ATP10B: variants seen among roughly 807,000 people sequenced by gnomAD.
ATP10B encodes the protein phospholipid-transporting ATPase VB.
Under a neutral mutation model 141.2 loss-of-function variants are expected in ATP10B, and 122 were observed. That is an observed-to-expected ratio of 0.86 (90% confidence interval 0.75 to 1.00). ATP10B has a LOEUF of 1.00. ATP10B is among the 50% of genes least tolerant of loss of function. The pLI is 0.00. For synonymous variants in ATP10B, 685 were observed against 692.0 expected (o/e 0.99, Z 0.16); for missense variants, 1,876 against 1,825.3 (o/e 1.03, Z -0.51).
rs1180388352 is a variant in ATP10B, at chr5:160,687,855, T to A, written c.220A>T (p.Thr74Ser). 6.2e-7 allele frequency: 1 copy of A among 1,613,984 alleles called. No individual in the cohort carries two copies. The highest frequency in any genetic ancestry group is 1.3e-5 in the African/African-American group (1 of 74,902). Residue 74 changes from threonine to serine, a missense_variant, in exon 5 of 26, where the codon ACC (threonine) becomes TCC (serine). By Grantham distance (58) the Thr-to-Ser change is moderately conservative. Coordinates refer to ENST00000327245, the MANE Select transcript of ATP10B (RefSeq NM_025153.3). ...RRYPGNRTCTTKYTLFTFLPR... is the reference protein window; with the variant it reads ...RRYPGNRTCTSKYTLFTFLPR... Reference sequence around the variant, plus strand: ...AGGAAGGTGAAGAGGGTGTATTTGGTTGTGCAGGTTCTGTTGCCAGGGTAT... The same window carrying A: ...AGGAAGGTGAAGAGGGTGTATTTGGATGTGCAGGTTCTGTTGCCAGGGTAT...
intron 17 of ATP10B, among the ~76,000 whole-genome samples, chr5:160,613,442 T>A (rs1339597718): frequency 6.6e-6 from 1 of 152,148 alleles, no homozygotes; most frequent in Non-Finnish European, 1.5e-5. Flanking sequence ...ATTTATTTGG[T>A]GGTAGTGAAA....
chr5:160,865,405 C>T, the ATP10B span, among the ~76,000 whole-genome samples: 1 of 152,036 alleles, frequency 6.6e-6, no homozygotes, highest in African/African-American at 2.4e-5. Flanking sequence ...TTATCTCTCA[C>T]CTTATACAAA....
chr5:160,606,223 GC>G (rs1423952432), intron 19 of ATP10B, among the ~76,000 whole-genome samples: 1 of 152,106 alleles, frequency 6.6e-6, no homozygotes, highest in Non-Finnish European at 1.5e-5. Flanking sequence ...TTAAAGTTTA[GC>G]CCCCTCTGAA....
chr5:160,589,571 A>G, intron 24 of ATP10B, 21 bp downstream of exon 24: 8 of 1,591,810 alleles, frequency 5.0e-6, no homozygotes, highest in Non-Finnish European at 6.9e-6. Context: ...TTTGAAGCCA[A>G]AGGGGCTCTG....
At position 160,849,964 on chromosome 5, in the gene ATP10B, T is replaced by C. The variant is rs1302567103; in HGVS notation, c.-576+1977A>G. ...CTAGGTTCAAAGCAAAATTTAAGAATGCCTGGCTAAGTTTTACTTTAAGGA... is the reference window on the plus strand; with the variant it reads ...CTAGGTTCAAAGCAAAATTTAAGAACGCCTGGCTAAGTTTTACTTTAAGGA... On this transcript the variant is annotated intron_variant, in intron 1 of 25. Coordinates refer to ENST00000327245, the MANE Select transcript of ATP10B (RefSeq NM_025153.3). Among the ~76,000 whole-genome samples the C allele has an allele frequency of 2.6e-5, 4 of 152,200 alleles. No individual in the cohort carries two copies. In the East Asian group the frequency reaches 7.7e-4, roughly 29 times the overall value.
chr5:160,850,869 TAA>T (rs1561924020), intron 1 of ATP10B, among the ~76,000 whole-genome samples: 3 of 152,030 alleles, frequency 2.0e-5, no homozygotes, highest in Non-Finnish European at 4.4e-5. Flanking sequence ...AAGAATTTTT[TAA>T]AAAGTCATCA....
At chr5:160,601,341 T>A (rs1365787671) in intron 21 of ATP10B, among the ~76,000 whole-genome samples, 1 of 152,226 alleles carries the variant, frequency 6.6e-6, no homozygotes, top group Non-Finnish European at 1.5e-5. Context: ...GGCTAATGTT[T>A]CTCTTCCATC....
At chr5:160,796,232 T>C (rs1356361847) in intron 1 of ATP10B, among the ~76,000 whole-genome samples, 2 of 152,220 alleles carry the variant, frequency 1.3e-5, no homozygotes, top group Non-Finnish European at 2.9e-5. Flanking sequence ...CTGAGAACTC[T>C]CTTTTCCAGC....
intron 20 of ATP10B, 25 bp downstream of exon 20, chr5:160,603,940 G>C: frequency 6.3e-7 from 1 of 1,594,824 alleles, no homozygotes; most frequent in Non-Finnish European, 8.6e-7. Flanking sequence ...ACCAAAGAAA[G>C]AAGAATAGTT....
chr5:160,899,622 C>CT, the ATP10B span, among the ~76,000 whole-genome samples: 1 of 152,060 alleles, frequency 6.6e-6, no homozygotes, highest in South Asian at 2.1e-4. Context: ...AGTTCTTGTA[C>CT]TTTTTTCAGT....
In ATP10B at chr5:160,591,689, T is replaced by A. The variant is rs556756493; in HGVS notation, c.3565-550A>T. ...CTCCAGAAACAAGCCTTCTCAGGCA[T>A]TAATCTTTGTGCCTTCCCCAGGAAA... On this transcript the variant is annotated intron_variant, in intron 22 of 25. Coordinates refer to ENST00000327245, the MANE Select transcript of ATP10B (RefSeq NM_025153.3). 3.9e-5 allele frequency among the ~76,000 whole-genome samples: 6 copies of A among 152,260 alleles called. No homozygotes were observed. In the South Asian group the frequency reaches 1.2e-3, roughly 32 times the overall value.
At chr5:160,750,347 G>T (rs1197137718) in intron 2 of ATP10B, among the ~76,000 whole-genome samples, 1 of 152,106 alleles carries the variant, frequency 6.6e-6, no homozygotes, top group African/African-American at 2.4e-5. Context: ...CTGGCTTCTT[G>T]GTAATCAAGC....
At chr5:160,789,591 G>A (rs1771420695) in intron 1 of ATP10B, among the ~76,000 whole-genome samples, 1 of 152,174 alleles carries the variant, frequency 6.6e-6, no homozygotes, top group Non-Finnish European at 1.5e-5. Flanking sequence ...TGACCGAAAT[G>A]TCATTTTGTG....
At chr5:160,565,965 A>G in intron 25 of ATP10B, 65 bp from the exon 26 acceptor site, 1 of 1,457,760 alleles carries the variant, frequency 6.9e-7, no homozygotes, top group South Asian at 1.4e-5. Flanking sequence ...TTCAGCATTA[A>G]AAGATAGTCT....
chr5:160,610,574 A>G (rs1051147100), intron 18 of ATP10B, among the ~76,000 whole-genome samples: 1 of 152,214 alleles, frequency 6.6e-6, no homozygotes, highest in Non-Finnish European at 1.5e-5. Flanking sequence ...ACCAATAGAT[A>G]ATTAGCATAG....
the ATP10B span, among the ~76,000 whole-genome samples, chr5:160,886,681 T>C: frequency 6.6e-6 from 1 of 152,132 alleles, no homozygotes; most frequent in Non-Finnish European, 1.5e-5. Context: ...CATCCCTTCT[T>C]CCAGAGTGGT....
At chr5:160,832,836 T>C (rs1775183129) in intron 1 of ATP10B, among the ~76,000 whole-genome samples, 1 of 152,160 alleles carries the variant, frequency 6.6e-6, no homozygotes, top group East Asian at 1.9e-4. Flanking sequence ...CTGCCATAGG[T>C]GGGGGTAAGG....
At position 160,820,816 on chromosome 5, in the gene ATP10B, A is replaced by G. The variant is rs538048002; in HGVS notation, c.-576+31125T>C. ...CATATGGCCATTTCTATTGATGCTG[A>G]AAAAGCATTTGATAATATTCAACAT... On this transcript the variant is annotated intron_variant, in intron 1 of 25. Transcript: ENST00000327245. Among the ~76,000 whole-genome samples the G allele has an allele frequency of 2.0e-5, 3 of 152,270 alleles. No homozygotes were observed. The East Asian group carries it at 5.8e-4, about 29-fold the overall frequency.
intron 2 of ATP10B, among the ~76,000 whole-genome samples, chr5:160,735,757 T>C (rs1767073414): frequency 6.6e-6 from 1 of 151,974 alleles, no homozygotes; most frequent in Non-Finnish European, 1.5e-5. Flanking sequence ...ACAAAACAAG[T>C]CTTAAAATAT....
Sources: gnomAD v4.1 joint callset for allele counts (sites outside exome capture counted in the v4.1 genomes callset) on GRCh38, gnomAD v4.1.1 for gene constraint, MANE v1.5 for transcripts, NCBI Gene and HGNC (gene_info 2026-07-23, HGNC 2026-07-21) for gene names.